SGCZ: variants seen among roughly 807,000 people sequenced by gnomAD.
The protein encoded by SGCZ is zeta-sarcoglycan.
SGCZ carries 40 observed loss-of-function variants against 41.3 expected under a neutral mutation model. The ratio of observed to expected loss-of-function variants is 0.97; its 90% CI spans 0.75 to 1.26. SGCZ has a LOEUF of 1.26. Among genes scored for constraint, SGCZ ranks in the 50% most tolerant of loss-of-function variants. The pLI is 0.00. For synonymous variants in SGCZ, 206 were observed against 137.5 expected (o/e 1.50, Z -3.49); for missense variants, 552 against 369.8 (o/e 1.49, Z -4.04).
rs1799705747 is a variant in SGCZ, at chr8:14,757,207, C to A, written c.40-202281G>T. Among the ~76,000 whole-genome samples, 3 of 152,154 alleles carry A rather than the reference C, an allele frequency of 2.0e-5. No individual in the cohort carries two copies. In the South Asian group the frequency reaches 6.2e-4, roughly 31 times the overall value. On this transcript the variant is annotated intron_variant, in intron 1 of 7. Coordinates refer to ENST00000382080, the MANE Select transcript of SGCZ (RefSeq NM_139167.4). Reference sequence around the variant, plus strand: ...GGGATTACAGGTGCCTGCCACCACACCCAGCTAATGTTTGTATTCTTAGTA... The same window carrying A: ...GGGATTACAGGTGCCTGCCACCACAACCAGCTAATGTTTGTATTCTTAGTA...
In SGCZ at chr8:14,910,351, T is replaced by C. The variant is rs539253014; in HGVS notation, c.39+327234A>G. On this transcript the variant is annotated intron_variant, in intron 1 of 7. Coordinates refer to ENST00000382080, the MANE Select transcript of SGCZ (RefSeq NM_139167.4). ...AAACATCTCTCACAGTACCATTTAA[T>C]ACATAAGGACACCAGGAAACAACTT... 3.9e-5 allele frequency among the ~76,000 whole-genome samples: 6 copies of C among 152,198 alleles called. No individual in the cohort carries two copies. The East Asian group carries it at 1.2e-3, about 29-fold the overall frequency.
At chr8:14,568,248 G>C (rs1804440152) in intron 1 of SGCZ, among the ~76,000 whole-genome samples, 1 of 151,966 alleles carries the variant, frequency 6.6e-6, no homozygotes. Context: ...TGGGGAGAAA[G>C]AGGAGGGAGA....
intron 2 of SGCZ, among the ~76,000 whole-genome samples, chr8:14,363,339 A>T (rs1204366468): frequency 6.6e-6 from 1 of 152,152 alleles, no homozygotes; most frequent in Non-Finnish European, 1.5e-5. Flanking sequence ...TCAGACTGAG[A>T]CTAGACTACT....
At chr8:14,732,781 C>T (rs956447408) in intron 1 of SGCZ, among the ~76,000 whole-genome samples, 5 of 152,008 alleles carry the variant, frequency 3.3e-5, no homozygotes, top group East Asian at 3.9e-4. Flanking sequence ...TTATAAACTA[C>T]GACCCGCTTG....
intron 2 of SGCZ, among the ~76,000 whole-genome samples, chr8:14,441,316 C>A (rs1485712708): frequency 1.3e-5 from 2 of 152,206 alleles, no homozygotes; most frequent in Non-Finnish European, 2.9e-5. Flanking sequence ...GTGGCTCACG[C>A]CCGTAATCCC....
intron 1 of SGCZ, among the ~76,000 whole-genome samples, chr8:14,592,247 A>G (rs1472021246): frequency 6.6e-6 from 1 of 152,144 alleles, no homozygotes; most frequent in Non-Finnish European, 1.5e-5. Context: ...GAATTTATAA[A>G]TATTTGATGT....
intron 2 of SGCZ, among the ~76,000 whole-genome samples, chr8:14,423,842 C>T (rs73534064): frequency 0.098 from 14,841 of 152,184 alleles, 2,132 homozygotes; most frequent in African/African-American, 0.31. Context: ...CATTTTTCCC[C>T]CTTCCTTCTT....
At chr8:14,600,599 C>T (rs1026678236) in intron 1 of SGCZ, among the ~76,000 whole-genome samples, 3 of 152,068 alleles carry the variant, frequency 2.0e-5, no homozygotes, top group Non-Finnish European at 4.4e-5. Context: ...CAGGTATAAT[C>T]CATTAGCAGA....
At chr8:15,001,525 C>A (rs7005721) in intron 1 of SGCZ, among the ~76,000 whole-genome samples, 1 of 151,792 alleles carries the variant, frequency 6.6e-6, no homozygotes, top group Non-Finnish European at 1.5e-5. Flanking sequence ...GTCAGGAGAT[C>A]GAGACCATCC....
intron 3 of SGCZ, among the ~76,000 whole-genome samples, chr8:14,243,027 GTA>G: frequency 6.6e-6 from 1 of 152,144 alleles, no homozygotes; most frequent in South Asian, 2.1e-4. Flanking sequence ...CCAGGTTTTG[GTA>G]GCATGACCTT....
At chr8:14,114,952 AAATT>A (rs1273426563) in intron 5 of SGCZ, among the ~76,000 whole-genome samples, 12 of 152,122 alleles carry the variant, frequency 7.9e-5, no homozygotes, top group African/African-American at 2.6e-4. Context: ...AAAAGAAAAT[AAATT>A]ATTTCCAAAT....
At chr8:14,653,123 A>G (rs1370756231) in intron 1 of SGCZ, among the ~76,000 whole-genome samples, 1 of 152,104 alleles carries the variant, frequency 6.6e-6, no homozygotes, top group Admixed American at 6.6e-5. Context: ...CTCTCAATCC[A>G]TGAGGTACAG....
chr8:14,529,063 A>C (rs1056525967), intron 2 of SGCZ, among the ~76,000 whole-genome samples: 1 of 152,070 alleles, frequency 6.6e-6, no homozygotes, highest in Non-Finnish European at 1.5e-5. Context: ...ACTGATCTAC[A>C]TCGCTCATCA....
intron 1 of SGCZ, among the ~76,000 whole-genome samples, chr8:14,885,226 A>C (rs998794448): frequency 6.6e-6 from 1 of 152,154 alleles, no homozygotes; most frequent in Non-Finnish European, 1.5e-5. Flanking sequence ...TCATCCCTTG[A>C]GGAAAGACAT....
At chr8:14,187,940 A>C (rs1317734133) in intron 4 of SGCZ, among the ~76,000 whole-genome samples, 1 of 152,210 alleles carries the variant, frequency 6.6e-6, no homozygotes, top group African/African-American at 2.4e-5. Context: ...TGAAAGGAGC[A>C]AGAGAAAAAT....
chr8:14,835,003 G>A (rs1396685246), intron 1 of SGCZ, among the ~76,000 whole-genome samples: 2 of 152,104 alleles, frequency 1.3e-5, no homozygotes, highest in African/African-American at 4.8e-5. Context: ...CAATACATCA[G>A]AGCCACCTCT....
At chr8:14,246,774 G>C (rs1016215265) in intron 3 of SGCZ, among the ~76,000 whole-genome samples, 5 of 151,008 alleles carry the variant, frequency 3.3e-5, no homozygotes, top group African/African-American at 1.2e-4. Context: ...GCCAGTCATA[G>C]TGGCGGGCGC....
intron 1 of SGCZ, among the ~76,000 whole-genome samples, chr8:14,864,256 T>C (rs183515853): frequency 1.1e-4 from 16 of 152,292 alleles, no homozygotes; most frequent in African/African-American, 3.8e-4. Flanking sequence ...ATTTTTTTTC[T>C]ATTTCATCCT....
intron 1 of SGCZ, among the ~76,000 whole-genome samples, chr8:14,640,728 TAA>T (rs1324433978): frequency 2.0e-5 from 3 of 151,498 alleles, no homozygotes; most frequent in Non-Finnish European, 4.4e-5. Context: ...TTCCTAAAGC[TAA>T]AAGATAGGCT....
Sources: allele counts gnomAD v4.1 joint callset (sites outside exome capture counted in the v4.1 genomes callset), GRCh38; gene constraint gnomAD v4.1.1; transcripts MANE v1.5; gene names NCBI Gene and HGNC (gene_info 2026-07-23, HGNC 2026-07-21).